Variants in HDAC9 observed in about 807,000 individuals in gnomAD.
The protein encoded by HDAC9 is MEF-2 interacting transcription repressor (MITR) protein.
A neutral mutation model predicts 139.4 loss-of-function variants in HDAC9; 41 were observed. The ratio of observed to expected loss-of-function variants is 0.29; its 90% CI spans 0.23 to 0.38. HDAC9 has a LOEUF of 0.38. Ranked by LOEUF, HDAC9 falls within the 10% of genes least tolerant of loss-of-function variation. The pLI is 1.00. For synonymous variants in HDAC9, 517 were observed against 476.2 expected (o/e 1.09, Z -1.12); for missense variants, 1,147 against 1,297.0 (o/e 0.88, Z 1.78).
intron 2 of HDAC9, among the ~76,000 whole-genome samples, chr7:18,175,001 G>T (rs1260942341): frequency 6.6e-6 from 1 of 152,192 alleles, no homozygotes; most frequent in African/African-American, 2.4e-5. Flanking sequence ...CTGTCAGAAG[G>T]GGACGTTTAA....
intron 1 of HDAC9, among the ~76,000 whole-genome samples, chr7:18,095,337 A>C (rs1314316742): frequency 6.6e-6 from 1 of 151,520 alleles, no homozygotes; most frequent in Non-Finnish European, 1.5e-5. Context: ...GAAAATCCAT[A>C]ATAAAAAGGC....
intron 2 of HDAC9, among the ~76,000 whole-genome samples, chr7:18,194,198 T>G (rs993965875): frequency 6.6e-6 from 1 of 152,208 alleles, no homozygotes; most frequent in African/African-American, 2.4e-5. Flanking sequence ...AAACATGATA[T>G]TTTGTAGTCA....
intron 2 of HDAC9, among the ~76,000 whole-genome samples, chr7:18,253,531 G>C (rs913763168): frequency 1.3e-5 from 2 of 151,916 alleles, no homozygotes; most frequent in African/African-American, 4.8e-5. Flanking sequence ...TCATATGCTT[G>C]TTGGCCACAT....
chr7:18,567,507 C>T (rs1822765551), intron 2 of HDAC9, among the ~76,000 whole-genome samples: 1 of 152,110 alleles, frequency 6.6e-6, no homozygotes, highest in Non-Finnish European at 1.5e-5. Flanking sequence ...TCTCTAGCTA[C>T]TGAATATTCT....
chr7:18,409,519 A>C (rs1408582921), intron 1 of HDAC9, among the ~76,000 whole-genome samples: 1 of 152,176 alleles, frequency 6.6e-6, no homozygotes, highest in African/African-American at 2.4e-5. Flanking sequence ...CACCCTCTGC[A>C]TTCCCTTCCC....
intron 1 of HDAC9, among the ~76,000 whole-genome samples, chr7:18,323,641 A>T (rs1345955543): frequency 6.6e-6 from 1 of 152,188 alleles, no homozygotes; most frequent in Non-Finnish European, 1.5e-5. Flanking sequence ...TTGGGGATCA[A>T]CAATGAATAA....
intron 17 of HDAC9, among the ~76,000 whole-genome samples, chr7:18,821,943 G>A (rs1795005973): frequency 6.6e-6 from 1 of 152,158 alleles, no homozygotes; most frequent in African/African-American, 2.4e-5. Context: ...CTCAGGAACA[G>A]CCAGATGGAA....
At chr7:18,488,004 A>G (rs1449725550) in intron 1 of HDAC9, among the ~76,000 whole-genome samples, 2 of 152,090 alleles carry the variant, frequency 1.3e-5, no homozygotes, top group Non-Finnish European at 2.9e-5. Context: ...GATAAATATT[A>G]AATGTGCAGC....
intron 2 of HDAC9, among the ~76,000 whole-genome samples, chr7:18,528,544 TTTAC>T (rs1807716305): frequency 6.6e-6 from 1 of 152,134 alleles, no homozygotes; most frequent in Non-Finnish European, 1.5e-5. Flanking sequence ...TCTTTGCCAC[TTTAC>T]TTACTTTTCA....
rs201142177 is a variant in HDAC9, at chr7:18,732,750, TAC to T, written c.1909+5000_1909+5001del. Among the ~76,000 whole-genome samples, 6 of 62,674 alleles carry T rather than the reference TAC, an allele frequency of 9.6e-5. 1 individual carries two copies. Among genetic ancestry groups the T allele is most frequent in the Admixed American group, 3.0e-4 (2 of 6,718 alleles). 41.1% of individuals were successfully genotyped at this position (62,674 alleles called of 152,430 possible). A position where few individuals can be genotyped will look rare whatever the true frequency, so the allele number is the denominator to read the frequency against. On this transcript the variant is annotated intron_variant, in intron 13 of 25. Coordinates refer to ENST00000686413, the MANE Select transcript of HDAC9 (RefSeq NM_178425.4). Reference sequence around the variant, plus strand: ...ACACACGTGTATGTGTGCGTATGTGTACACACACGTGTATGTGTGCGTATGTG... The same window carrying T: ...ACACACGTGTATGTGTGCGTATGTGTACACACGTGTATGTGTGCGTATGTG...
At chr7:18,547,381 A>G (rs2128642390) in intron 2 of HDAC9, among the ~76,000 whole-genome samples, 1 of 152,246 alleles carries the variant, frequency 6.6e-6, no homozygotes, top group Non-Finnish European at 1.5e-5. Flanking sequence ...GACTACAGGC[A>G]CCTGCAACCC....
intron 12 of HDAC9, among the ~76,000 whole-genome samples, chr7:18,721,473 T>A (rs1291169639): frequency 6.6e-6 from 1 of 152,220 alleles, no homozygotes; most frequent in African/African-American, 2.4e-5. Context: ...GTACTAAATG[T>A]TCGTGAATTC....
intron 6 of HDAC9, among the ~76,000 whole-genome samples, chr7:18,618,013 A>G (rs1019067559): frequency 4.6e-5 from 7 of 152,174 alleles, no homozygotes; most frequent in African/African-American, 1.7e-4. Context: ...TCTTTTAAAT[A>G]TTATTTTATT....
chr7:18,466,027 G>T (rs1332103501), intron 1 of HDAC9, among the ~76,000 whole-genome samples: 2 of 152,240 alleles, frequency 1.3e-5, no homozygotes, highest in African/African-American at 4.8e-5. Flanking sequence ...GGGGCACATT[G>T]GCTATGTTCT....
chr7:18,849,380 A>G (rs888375764), intron 21 of HDAC9, among the ~76,000 whole-genome samples: 1 of 152,174 alleles, frequency 6.6e-6, no homozygotes, highest in Non-Finnish European at 1.5e-5. Flanking sequence ...TTCCTTTGCT[A>G]TGACTATTAA....
chr7:18,281,551 C>A (rs1371689246), intron 2 of HDAC9, among the ~76,000 whole-genome samples: 2 of 152,178 alleles, frequency 1.3e-5, no homozygotes, highest in Non-Finnish European at 1.5e-5. Context: ...CGATTTGACT[C>A]CAAAGCTTCA....
chr7:18,137,789 G>A (rs1413312065), intron 1 of HDAC9, among the ~76,000 whole-genome samples: 5 of 152,244 alleles, frequency 3.3e-5, no homozygotes, highest in East Asian at 1.9e-4. Context: ...GTCTCTGCCC[G>A]GCTTTGGAAT....
intron 2 of HDAC9, among the ~76,000 whole-genome samples, chr7:18,529,256 C>T (rs1413262232): frequency 3.3e-5 from 5 of 152,136 alleles, no homozygotes; most frequent in African/African-American, 4.8e-5. Flanking sequence ...CCTCTCATCT[C>T]CTTCCCCCTT....
At chr7:18,696,689 C>T (rs908166508) in intron 12 of HDAC9, among the ~76,000 whole-genome samples, 1 of 152,058 alleles carries the variant, frequency 6.6e-6, no homozygotes, top group Non-Finnish European at 1.5e-5. Flanking sequence ...AGGATGGTCT[C>T]CATCTCTTGA....
Sources: gnomAD v4.1 joint callset for allele counts (sites outside exome capture counted in the v4.1 genomes callset) on GRCh38, gnomAD v4.1.1 for gene constraint, MANE v1.5 for transcripts, NCBI Gene and HGNC (gene_info 2026-07-23, HGNC 2026-07-21) for gene names.